ZBTB20: variants seen among roughly 807,000 people sequenced by gnomAD.
ZBTB20 encodes the protein zinc finger and BTB domain-containing protein 20.
Under a neutral mutation model 56.9 loss-of-function variants are expected in ZBTB20, and 9 were observed. That is an observed-to-expected ratio of 0.16 (90% CI 0.10 to 0.28). The LOEUF (loss-of-function observed/expected upper bound fraction) is 0.28. Ranked by LOEUF, ZBTB20 falls within the 10% of genes least tolerant of loss-of-function variation. The probability of loss-of-function intolerance (pLI) is 1.00; values close to 1 mark genes in which losing one functional copy is unlikely to be tolerated. For synonymous variants in ZBTB20, 417 were observed against 420.7 expected (o/e 0.99, Z 0.11); for missense variants, 655 against 1,003.0 (o/e 0.65, Z 4.69).
At chr3:114,801,521 A>T (rs765265627) in intron 4 of ZBTB20, among the ~76,000 whole-genome samples, 4 of 151,710 alleles carry the variant, frequency 2.6e-5, no homozygotes, top group African/African-American at 9.7e-5. Context: ...AAACTCCTAA[A>T]CAATTTCTAC....
chr3:114,976,609 A>C (rs544629107), intron 2 of ZBTB20, among the ~76,000 whole-genome samples: 52 of 151,854 alleles, frequency 3.4e-4, no homozygotes, highest in African/African-American at 1.2e-3. Flanking sequence ...CTGGGTGATA[A>C]GAGCAAAACT....
chr3:114,788,592 A>G (rs1477527738), intron 5 of ZBTB20, among the ~76,000 whole-genome samples: 1 of 152,148 alleles, frequency 6.6e-6, no homozygotes, highest in Non-Finnish European at 1.5e-5. Context: ...CCTTTTGGCT[A>G]TCAACTGTGC....
intron 5 of ZBTB20, among the ~76,000 whole-genome samples, chr3:114,790,766 T>C (rs555293365): frequency 6.6e-6 from 1 of 151,648 alleles, no homozygotes; most frequent in Non-Finnish European, 1.5e-5. Context: ...AGGGGAGACA[T>C]AACAGTAAGT....
At chr3:114,544,379 C>A (rs1419389017) in intron 6 of ZBTB20, among the ~76,000 whole-genome samples, 1 of 151,912 alleles carries the variant, frequency 6.6e-6, no homozygotes, top group Non-Finnish European at 1.5e-5. Context: ...AATAAAATTA[C>A]CTGTAGCACT....
intron 7 of ZBTB20, among the ~76,000 whole-genome samples, chr3:114,442,742 C>T (rs776839548): frequency 6.6e-6 from 1 of 152,112 alleles, no homozygotes; most frequent in Non-Finnish European, 1.5e-5. Flanking sequence ...TTCTTGCTAT[C>T]CACTGAAACC....
chr3:114,943,641 T>C (rs1409708541), intron 3 of ZBTB20, among the ~76,000 whole-genome samples: 3 of 144,880 alleles, frequency 2.1e-5, no homozygotes, highest in East Asian at 1.9e-4. Flanking sequence ...AACTTGAAAA[T>C]AGGTTAATAG....
At chr3:115,096,207 C>T (rs893390951) in intron 1 of ZBTB20, among the ~76,000 whole-genome samples, 19 of 152,030 alleles carry the variant, frequency 1.2e-4, no homozygotes, top group Admixed American at 5.2e-4. Flanking sequence ...CACACCTGTC[C>T]GATTGCTAGT....
chr3:114,844,303 T>C (rs1300554008), intron 4 of ZBTB20, among the ~76,000 whole-genome samples: 2 of 139,978 alleles, frequency 1.4e-5, no homozygotes, highest in African/African-American at 5.6e-5. Context: ...AATAGATCTA[T>C]GGTTGCATAA....
chr3:114,918,863 C>T (rs1425617660), intron 3 of ZBTB20, among the ~76,000 whole-genome samples: 1 of 152,200 alleles, frequency 6.6e-6, no homozygotes, highest in Non-Finnish European at 1.5e-5. Context: ...CCCTTGGCCA[C>T]CCTGTCTGGT....
chr3:114,675,201 C>G (rs911058460), intron 6 of ZBTB20, among the ~76,000 whole-genome samples: 17 of 151,794 alleles, frequency 1.1e-4, no homozygotes, highest in Admixed American at 2.6e-4. Flanking sequence ...CATCACAACC[C>G]CAGCTGTAGT....
At position 114,319,346 on chromosome 3, in the gene ZBTB20, C is replaced by A. The variant is rs1438180093; in HGVS notation, c.*19659G>T. ...CTAAACATTAACCTTCAGTCTAGGG[C>A]ACAATTATTTATTGATTTAAATGTC... On this transcript the variant is annotated 3_prime_UTR_variant, in exon 12 of 12. Transcript: ENST00000675478. The A allele has an allele frequency of 6.6e-6, 1 of 151,914 alleles. No individual in the cohort carries two copies. Among genetic ancestry groups the A allele is most frequent in the Non-Finnish European group, 1.5e-5 (1 of 67,996 alleles). The allele number at this position is 151,914 out of a possible 1,614,324, so 9.4% of individuals were successfully genotyped here. A position where few individuals can be genotyped will look rare whatever the true frequency, so the allele number is the denominator to read the frequency against.
At chr3:114,626,757 C>T (rs754468054) in intron 6 of ZBTB20, among the ~76,000 whole-genome samples, 2 of 152,162 alleles carry the variant, frequency 1.3e-5, no homozygotes, top group African/African-American at 2.4e-5. Flanking sequence ...TTTTTAGAAG[C>T]TTCTCCAAAA....
chr3:114,692,244 C>G (rs976638876), intron 6 of ZBTB20, among the ~76,000 whole-genome samples: 1 of 152,034 alleles, frequency 6.6e-6, no homozygotes, highest in Non-Finnish European at 1.5e-5. Context: ...CTTACTAATA[C>G]GAGTTTCTTT....
chr3:114,862,495 T>C (rs1036532120), intron 4 of ZBTB20, among the ~76,000 whole-genome samples: 1 of 152,084 alleles, frequency 6.6e-6, no homozygotes, highest in Non-Finnish European at 1.5e-5. Flanking sequence ...CGAATAAACA[T>C]CCTTGAAAAT....
intron 5 of ZBTB20, among the ~76,000 whole-genome samples, chr3:114,798,468 G>A (rs953702114): frequency 6.6e-6 from 1 of 151,814 alleles, no homozygotes; most frequent in South Asian, 2.1e-4. Flanking sequence ...CTCAAAAAAT[G>A]AGCCCAAGGC....
At chr3:114,391,526 T>A (rs933771583) in intron 7 of ZBTB20, among the ~76,000 whole-genome samples, 1 of 152,216 alleles carries the variant, frequency 6.6e-6, no homozygotes, top group African/African-American at 2.4e-5. Flanking sequence ...CTACTCCCTT[T>A]GCATATTCTA....
At chr3:114,806,995 A>G (rs145751420) in intron 4 of ZBTB20, among the ~76,000 whole-genome samples, 2 of 152,144 alleles carry the variant, frequency 1.3e-5, no homozygotes, top group African/African-American at 4.8e-5. Context: ...CATACTCTAT[A>G]AAGTAAGTTT....
intron 1 of ZBTB20, among the ~76,000 whole-genome samples, chr3:115,095,952 T>C (rs1473362872): frequency 6.6e-6 from 1 of 152,194 alleles, no homozygotes; most frequent in Non-Finnish European, 1.5e-5. Flanking sequence ...CTAGAATTTA[T>C]TTAAGCAATG....
chr3:114,968,651 ACCT>A (rs933174084), intron 3 of ZBTB20, among the ~76,000 whole-genome samples: 3 of 152,112 alleles, frequency 2.0e-5, no homozygotes, highest in African/African-American at 7.2e-5. Context: ...CACTTCGGTC[ACCT>A]CCTCTTTTTT....
Sources: gnomAD v4.1 joint callset for allele counts (sites outside exome capture counted in the v4.1 genomes callset) on GRCh38, gnomAD v4.1.1 for gene constraint, MANE v1.5 for transcripts, NCBI Gene and HGNC (gene_info 2026-07-23, HGNC 2026-07-21) for gene names.